Variants in NOD2 observed in about 807,000 individuals in gnomAD.
NOD2 encodes nucleotide-binding oligomerization domain-containing protein 2.
In NOD2, 86 loss-of-function variants were observed where a neutral mutation model predicts 90.9. That is an observed-to-expected ratio of 0.95 (90% confidence interval 0.79 to 1.13). NOD2 has a LOEUF of 1.13. NOD2 is among the 50% of genes most tolerant of loss of function. The probability of loss-of-function intolerance (pLI) is 0.00; values close to 1 mark genes in which losing one functional copy is unlikely to be tolerated. For synonymous variants in NOD2, 581 were observed against 554.6 expected, an observed-to-expected ratio of 1.05 and a Z score of -0.67; for missense variants, 1,238 against 1,283.8, an observed-to-expected ratio of 0.96 and a Z score of 0.55.
In NOD2 at chr16:50,711,032, T is replaced by C. The variant is rs751550117; in HGVS notation, c.1040T>C (p.Val347Ala). Reference protein sequence around the residue: ...FQLLLDHPDRVLLTFDGFDEF... With the variant: ...FQLLLDHPDRALLTFDGFDEF... ...TTACTCCTTGACCACCCTGACCGTGTCCTGTTAACCTTTGATGGCTTTGAC... is the reference window on the plus strand; with the variant it reads ...TTACTCCTTGACCACCCTGACCGTGCCCTGTTAACCTTTGATGGCTTTGAC... The change falls in exon 4 of 12, where the codon GTC becomes GCC. Residue 347 changes from valine to alanine, a missense_variant. This residue lies in a region of NOD2 where 567 missense variants were observed against 577.3 expected (regional missense o/e 0.98). Transcript: ENST00000647318. 5 of 1,614,178 alleles carry C rather than the reference T, an allele frequency of 3.1e-6. No individual in the cohort carries two copies. In the South Asian group the frequency reaches 5.5e-5, roughly 18 times the overall value.
chr16:50,696,675 C>T (rs1439456599), intron 1 of NOD2, among the ~76,000 whole-genome samples: 1 of 152,196 alleles, frequency 6.6e-6, no homozygotes, highest in East Asian at 1.9e-4. Context: ...TTCTCCTCCC[C>T]AGATGTTTAA....
At chr16:50,705,420 C>G (rs926376417) in intron 2 of NOD2, among the ~76,000 whole-genome samples, 4 of 152,100 alleles carry the variant, frequency 2.6e-5, no homozygotes, top group Non-Finnish European at 5.9e-5. Flanking sequence ...CTTTGGTTTT[C>G]TTTCTCAAGA....
Position 50,723,304 on chromosome 16 carries a change from G to A in NOD2, c.2721G>A (p.Leu907=), listed in dbSNP as rs149691662. ...GDHQSLRWLS[L]VGNNIGSVGA... is the part of the protein sequence containing the mutation. ...TTTGTTCCATGATTACCTCCAGCCT[G>A]GTGGGGAACAACATTGGCAGTGTGG... Residue 907 remains leucine, a synonymous_variant, in exon 9 of 12, where the codon CTG becomes CTA. Coordinates refer to ENST00000647318, the MANE Select transcript of NOD2 (RefSeq NM_001370466.1). 13 of 1,613,700 alleles carry A rather than the reference G, an allele frequency of 8.1e-6. No homozygotes were observed. The highest frequency in any genetic ancestry group is 9.3e-6 in the Non-Finnish European group (11 of 1,179,822).
chr16:50,719,140 A>G (rs1964928535), intron 6 of NOD2, among the ~76,000 whole-genome samples: 1 of 152,224 alleles, frequency 6.6e-6, no homozygotes, highest in African/African-American at 2.4e-5. Flanking sequence ...TTTGGAGCAC[A>G]GCAGCTGGGG....
Position 50,699,808 on chromosome 16 carries a change from C to G in NOD2, c.313C>G (p.Arg105Gly), listed in dbSNP as rs757487598. Residue 105 changes from arginine to glycine, a missense_variant, in exon 2 of 12, where the codon CGA becomes GGA. Around this residue, in one of 3 missense-constraint regions of NOD2, gnomAD observed 567 missense variants for 577.3 expected, o/e 0.98. Coordinates refer to ENST00000647318, the MANE Select transcript of NOD2 (RefSeq NM_001370466.1). ...CWDPHSLHPA[R>G]DLQSHRPAIV... is the part of the protein sequence containing the mutation. The stretch of plus-strand genomic sequence containing the variant: ...GGACCCCCACTCGCTCCACCCAGCC[C>G]GAGACCTGCAGAGTCACCGGCCAGC... 2.5e-6 allele frequency: 4 copies of G among 1,613,708 alleles called. No homozygotes were observed. Among genetic ancestry groups the G allele is most frequent in the East Asian group, 4.5e-5 (2 of 44,882 alleles).
In NOD2 at chr16:50,719,960, A is replaced by G; in HGVS notation, c.2585A>G (p.Gln862Arg). 6.2e-7 allele frequency: 1 copy of G among 1,614,182 alleles called. No homozygotes were observed. Among genetic ancestry groups the G allele is most frequent in the Non-Finnish European group, 8.5e-7 (1 of 1,180,024 alleles). ...AACTACATCACTGCCGCGGGAGCCC[A>G]AGTGCTGGCCGAGGGGCTCCGAGGC... is the stretch of plus-strand genomic sequence containing the variant. ...GNNYITAAGA[Q>R]VLAEGLRGNT... The change falls in exon 7 of 12, where the codon CAA becomes CGA. Residue 862 changes from glutamine to arginine, a missense_variant. Around this residue, in one of 3 missense-constraint regions of NOD2, gnomAD observed 667 missense variants for 688.7 expected, o/e 0.97. Coordinates refer to ENST00000647318, the MANE Select transcript of NOD2 (RefSeq NM_001370466.1).
intron 6 of NOD2, among the ~76,000 whole-genome samples, chr16:50,718,578 T>C (rs893765511): frequency 3.3e-5 from 5 of 152,212 alleles, no homozygotes; most frequent in Admixed American, 1.3e-4. Flanking sequence ...TATATCATTG[T>C]AATAGAGAGC....
chr16:50,706,702 T>C (rs535058400), intron 2 of NOD2, among the ~76,000 whole-genome samples: 40 of 149,052 alleles, frequency 2.7e-4, no homozygotes, highest in Admixed American at 8.6e-4. Context: ...TTCTTTCTTT[T>C]TTTTTTTTTT....
intron 1 of NOD2, chr16:50,697,672 A>T (rs1182544800): frequency 5.4e-6 from 2 of 371,764 alleles, no homozygotes; most frequent in Non-Finnish European, 1.0e-5. Flanking sequence ...GCCTGAGAGA[A>T]CTACCTTAGA....
chr16:50,726,620 G>T lies in NOD2; in HGVS notation c.2885+1048G>T, dbSNP rs11645386. 4.6e-3 allele frequency among the ~76,000 whole-genome samples: 701 copies of T among 152,230 alleles called. 3 individuals carry two copies. The highest frequency in any genetic ancestry group is 8.3e-3 in the Non-Finnish European group (565 of 68,006). On this transcript the variant is annotated intron_variant, in intron 10 of 11. Transcript: ENST00000647318. ...CCATTATCAACCAGGTGTGGATATG[G>T]CAGGTTTGTCTTCCCTCCTTGTCAC...
Position 50,712,162 on chromosome 16 carries a change from G to C in NOD2, c.2170G>C (p.Glu724Gln). ...WLIRSLYEMQ[E>Q]ERLARKAARG... ...CATCCGGAGCCTGTACGAGATGCAG[G>C]AGGAGCGGCTGGCTCGGAAGGCTGC... The change falls in exon 4 of 12, where the codon GAG becomes CAG. Residue 724 changes from glutamate (E) to glutamine (Q), a missense_variant. By Grantham distance (29) the Glu-to-Gln change is conservative (BLOSUM62 2). Around this residue, in one of 3 missense-constraint regions of NOD2, gnomAD observed 667 missense variants for 688.7 expected, o/e 0.97. Coordinates refer to ENST00000647318, the MANE Select transcript of NOD2 (RefSeq NM_001370466.1). 6.2e-7 allele frequency: 1 copy of C among 1,614,154 alleles called. No individual in the cohort carries two copies. The highest frequency in any genetic ancestry group is 8.5e-7 in the Non-Finnish European group (1 of 1,180,054).
intron 4 of NOD2, among the ~76,000 whole-genome samples, chr16:50,715,146 C>T (rs888059115): frequency 3.3e-5 from 5 of 152,184 alleles, no homozygotes; most frequent in Admixed American, 1.3e-4. Flanking sequence ...GGGTTTGGAG[C>T]CAAGCCGCCT....
intron 2 of NOD2, among the ~76,000 whole-genome samples, chr16:50,706,575 A>G (rs954326111): frequency 3.3e-5 from 5 of 152,214 alleles, no homozygotes; most frequent in Non-Finnish European, 7.3e-5. Flanking sequence ...TATTGGCCAC[A>G]GATGGCATTT....
chr16:50,697,852 G>A (rs1021738387), intron 1 of NOD2: 3 of 200,740 alleles, frequency 1.5e-5, no homozygotes, highest in South Asian at 1.5e-4. Context: ...CTTGGCTACC[G>A]TATGAGGACG....
At chr16:50,730,093 G>A in intron 11 of NOD2, 192 bp downstream of exon 11, 2 of 540,158 alleles carry the variant, frequency 3.7e-6, no homozygotes, top group African/African-American at 1.9e-5. Flanking sequence ...TTTAAGTAGG[G>A]AGCAATGATT....
intron 8 of NOD2, 71 bp downstream of exon 8, chr16:50,722,776 C>A: frequency 7.2e-7 from 1 of 1,387,444 alleles, no homozygotes; most frequent in Non-Finnish European, 1.0e-6. Context: ...GGGGCCAGTT[C>A]TGAAGGTCTT....
At chr16:50,709,738 G>A (rs1056833740) in intron 3 of NOD2, among the ~76,000 whole-genome samples, 2 of 152,110 alleles carry the variant, frequency 1.3e-5, no homozygotes, top group Non-Finnish European at 2.9e-5. Flanking sequence ...CTTTTGCCAC[G>A]TAAGGTAACA....
chr16:50,728,367 T>C, intron 10 of NOD2: 1 of 362,062 alleles, frequency 2.8e-6, no homozygotes, highest in Non-Finnish European at 5.5e-6. Context: ...TGTTGTGAGT[T>C]GTCTCCGCTG....
intron 4 of NOD2, 101 bp downstream of exon 4, chr16:50,712,474 C>T (rs999578335): frequency 3.5e-6 from 5 of 1,444,864 alleles, no homozygotes; most frequent in Non-Finnish European, 3.8e-6. Flanking sequence ...CCCAGCTTCG[C>T]CTCTGCCACC....
Sources: allele counts gnomAD v4.1 joint callset (sites outside exome capture counted in the v4.1 genomes callset), GRCh38; gene constraint gnomAD v4.1.1; regional missense constraint gnomAD v4.1.1; transcripts MANE v1.5; gene names NCBI Gene and HGNC (gene_info 2026-07-23, HGNC 2026-07-21).